Variants in NECAB2 observed in about 807,000 individuals in gnomAD.
The protein encoded by NECAB2 is N-terminal EF-hand calcium-binding protein 2.
In NECAB2, 68 loss-of-function variants were observed where a neutral mutation model predicts 51.9. The ratio of observed to expected loss-of-function variants is 1.31; its 90% CI spans 1.08 to 1.60. The LOEUF (loss-of-function observed/expected upper bound fraction) is 1.60, where lower values mean the gene tolerates loss of function less well. NECAB2 is among the 40% of genes most tolerant of loss of function. NECAB2 has a pLI of 0.00. For synonymous variants in NECAB2, 329 were observed against 203.5 expected (o/e 1.62, Z -5.25); for missense variants, 854 against 490.3 (o/e 1.74, Z -7.00).
Position 83,997,076 on chromosome 16 carries a change from C to G in NECAB2, c.796-140C>G, listed in dbSNP as rs560515105. 1.2e-5 allele frequency: 10 copies of G among 850,888 alleles called. No homozygotes were observed. In the South Asian group the frequency reaches 1.4e-4, roughly 12 times the overall value. The allele number at this position is 850,888 out of a possible 1,614,324, so 52.7% of individuals were successfully genotyped here. On this transcript the variant is annotated intron_variant, in intron 8 of 12. Transcript: ENST00000305202. ...GGCCAGAGGGAGTCTCTGCCACTTC[C>G]TAGCGTTGGTCTCCCAGCCCTGTGC...
intron 8 of NECAB2, among the ~76,000 whole-genome samples, 169 bp from the exon 9 acceptor site, chr16:83,997,047 T>C (rs2292327): frequency 0.53 from 80,403 of 151,808 alleles, 24,316 homozygotes; most frequent in African/African-American, 0.84. Context: ...CTAGGCCCCC[T>C]GTAGGCCAGA....
At chr16:83,974,882 G>T (rs932941430) in intron 2 of NECAB2, among the ~76,000 whole-genome samples, 2 of 151,406 alleles carry the variant, frequency 1.3e-5, no homozygotes, top group African/African-American at 4.9e-5. Context: ...AGGTGTGGGT[G>T]CAGGGATGAG....
chr16:84,000,678 C>G (rs749870849), intron 10 of NECAB2, 46 bp from the exon 11 acceptor site: 1 of 1,582,556 alleles, frequency 6.3e-7, no homozygotes, highest in Admixed American at 1.7e-5. Context: ...CTGAGGTGGC[C>G]TTGGTTGAGC....
In NECAB2 at chr16:84,001,827, A is replaced by G. The variant is rs2084842634; in HGVS notation, c.1043A>G (p.His348Arg). 1 of 1,613,854 alleles carries G rather than the reference A, an allele frequency of 6.2e-7. No homozygotes were observed. The highest frequency in any genetic ancestry group is 1.3e-5 in the African/African-American group (1 of 74,892). ...FWETEEAWKR[H>R]LQSPLCKAFR... ...TCACACATGTCCCTGCGTCACAGGC[A>G]CCTGCAGAGCCCCCTGTGTAAGGCG... The change falls in exon 12 of 13, where the codon CAC becomes CGC. Residue 348 changes from histidine (H) to arginine (R), a missense_variant and splice_region_variant. By Grantham distance (29) the His-to-Arg change is conservative. Transcript: ENST00000305202.
chr16:83,985,445 C>G (rs371582268), intron 5 of NECAB2, among the ~76,000 whole-genome samples: 99 of 150,464 alleles, frequency 6.6e-4, no homozygotes, highest in African/African-American at 2.1e-3. Context: ...CAAGCCTGGC[C>G]AACATGGTGA....
chr16:83,986,426 T>C (rs2084556284), intron 5 of NECAB2, among the ~76,000 whole-genome samples: 1 of 152,180 alleles, frequency 6.6e-6, no homozygotes, highest in South Asian at 2.1e-4. Context: ...AATTCCGAAA[T>C]CAGTTGGTGA....
Position 83,975,456 on chromosome 16 carries a change from A to C in NECAB2, c.227-2988A>C, listed in dbSNP as rs1510203. The stretch of plus-strand genomic sequence containing the variant: ...GACGCTAGCCCTGCCTCACGTGTCC[A>C]CAGGAAGGATGGATGGGATGCCTCA... On this transcript the variant is annotated intron_variant, in intron 2 of 12. Transcript: ENST00000305202. 1.8e-3 allele frequency among the ~76,000 whole-genome samples: 280 copies of C among 152,220 alleles called. 1 individual carries two copies. Among genetic ancestry groups the C allele is most frequent in the African/African-American group, 6.1e-3 (255 of 41,498 alleles).
At chr16:83,999,770 A>C (rs1221239796) in intron 10 of NECAB2, among the ~76,000 whole-genome samples, 2 of 152,104 alleles carry the variant, frequency 1.3e-5, no homozygotes, top group African/African-American at 4.8e-5. Flanking sequence ...CCCTCCCCTC[A>C]GCCTCCTTTG....
At position 83,998,911 on chromosome 16, in the gene NECAB2, C is replaced by T. The variant is rs138608555; in HGVS notation, c.962+594C>T. Among the ~76,000 whole-genome samples the T allele has an allele frequency of 2.0e-5, 3 of 152,310 alleles. 1 individual carries two copies. The highest frequency in any genetic ancestry group is 7.2e-5 in the African/African-American group (3 of 41,564). ...TCCTTGGTAAAGCTAAGGCATGTGGCCAGGGCCAGAGTGGAGGGGGTTGCA... is the reference window on the plus strand; with the variant it reads ...TCCTTGGTAAAGCTAAGGCATGTGGTCAGGGCCAGAGTGGAGGGGGTTGCA... On this transcript the variant is annotated intron_variant, in intron 10 of 12. Coordinates refer to ENST00000305202, the MANE Select transcript of NECAB2 (RefSeq NM_019065.3).
At chr16:83,988,079 A>T (rs1405545219) in intron 5 of NECAB2, among the ~76,000 whole-genome samples, 1 of 152,228 alleles carries the variant, frequency 6.6e-6, no homozygotes, top group East Asian at 1.9e-4. Context: ...CTGAATCTTT[A>T]CACAGGCTTT....
At position 83,968,445 on chromosome 16, in the gene NECAB2, G is replaced by A. The variant is rs1395735329; in HGVS notation, c.-204G>A. On this transcript the variant is annotated 5_prime_UTR_variant, in exon 1 of 13. Transcript: ENST00000305202. ...CCCCGCGCCCGGCCGGCGGGGGTGGGGGCGGCGGGGAGCGGGCACGTGGCT... is the reference window on the plus strand; with the variant it reads ...CCCCGCGCCCGGCCGGCGGGGGTGGAGGCGGCGGGGAGCGGGCACGTGGCT... Among the ~76,000 whole-genome samples the A allele has an allele frequency of 2.0e-5, 3 of 146,890 alleles. No individual in the cohort carries two copies. Among genetic ancestry groups the A allele is most frequent in the Non-Finnish European group, 4.5e-5 (3 of 66,136 alleles).
rs750390584 is a variant in NECAB2, at chr16:84,000,700, C to G, written c.963-24C>G. On this transcript the variant is annotated intron_variant, in intron 10 of 12. Transcript: ENST00000305202. ...GGCCTTGGTTGAGCTCCAGCCTCCT[C>G]CCCCCGACCATCTCCTGTTGCAGCA... is the stretch of plus-strand genomic sequence containing the variant. The G allele has an allele frequency of 5.0e-6, 8 of 1,610,006 alleles. No homozygotes were observed. The African/African-American group carries it at 8.0e-5, about 16-fold the overall frequency.
chr16:83,986,145 T>C (rs971284120), intron 5 of NECAB2, among the ~76,000 whole-genome samples: 6 of 152,068 alleles, frequency 3.9e-5, no homozygotes, highest in Non-Finnish European at 8.8e-5. Context: ...GCCTCCCGAG[T>C]AGCTGGGATT....
Position 83,994,649 on chromosome 16 carries a change from C to T in NECAB2, c.756C>T (p.Ile252=). The T allele has an allele frequency of 1.2e-6, 2 of 1,614,156 alleles. No individual in the cohort carries two copies. The highest frequency in any genetic ancestry group is 2.2e-5 in the East Asian group (1 of 44,886). The change falls in exon 8 of 13, where the codon ATC becomes ATT. Residue 252 remains isoleucine (I), a synonymous_variant. Transcript: ENST00000305202. ...DAKEEGLEAQ[I]SRLAELIGRL... Reference sequence around the variant, plus strand: ...AGGAAGAGGGTCTGGAAGCCCAGATCAGCCGCTTGGCAGAGCTGATTGGGA... The same window carrying T: ...AGGAAGAGGGTCTGGAAGCCCAGATTAGCCGCTTGGCAGAGCTGATTGGGA...
chr16:83,966,195 C>G (rs113428742), upstream of NECAB2: 25 of 584,394 alleles, frequency 4.3e-5, no homozygotes, highest in Non-Finnish European at 7.1e-5. Context: ...GTGGTAACAG[C>G]GGCCGCAGGC....
intron 5 of NECAB2, among the ~76,000 whole-genome samples, chr16:83,982,505 G>A (rs1039300921): frequency 9.9e-5 from 15 of 152,208 alleles, no homozygotes; most frequent in Admixed American, 1.3e-4. Flanking sequence ...GGCAATGCCA[G>A]CTCTGCTCCA....
chr16:83,984,696 A>T (rs1293798588), intron 5 of NECAB2, among the ~76,000 whole-genome samples: 1 of 152,140 alleles, frequency 6.6e-6, no homozygotes, highest in African/African-American at 2.4e-5. Context: ...TGCCGCTGCA[A>T]CCCAACCTGG....
chr16:83,980,604 C>A (rs1226220790), intron 3 of NECAB2, among the ~76,000 whole-genome samples: 13 of 152,134 alleles, frequency 8.5e-5, no homozygotes, highest in Admixed American at 8.5e-4. Flanking sequence ...ATGGGGTCAG[C>A]AGACTCCGAG....
At chr16:83,973,338 G>A (rs2084369467) in intron 2 of NECAB2, among the ~76,000 whole-genome samples, 1 of 152,140 alleles carries the variant, frequency 6.6e-6, no homozygotes, top group South Asian at 2.1e-4. Context: ...GTTGCAGGGT[G>A]GAGTTGGAGG....
Sources: gnomAD v4.1 joint callset for allele counts (sites outside exome capture counted in the v4.1 genomes callset) on GRCh38, gnomAD v4.1.1 for gene constraint, MANE v1.5 for transcripts, NCBI Gene and HGNC (gene_info 2026-07-23, HGNC 2026-07-21) for gene names.